Variants in CLVS1 observed in about 807,000 individuals in gnomAD.
The protein encoded by CLVS1 is clavesin-1.
In CLVS1, 10 loss-of-function variants were observed where a neutral mutation model predicts 33.1. That is an observed-to-expected ratio of 0.30 (90% CI 0.19 to 0.51). The LOEUF (loss-of-function observed/expected upper bound fraction) is 0.51. Ranked by LOEUF, CLVS1 falls within the 20% of genes least tolerant of loss-of-function variation. The pLI, the probability that CLVS1 is intolerant of heterozygous loss-of-function variation, is 0.97. For missense variants in CLVS1, 343 were observed against 433.4 expected (o/e 0.79, Z 1.85); for synonymous variants, 163 against 166.1 (o/e 0.98, Z 0.14).
intron 2 of CLVS1, among the ~76,000 whole-genome samples, chr8:61,141,578 G>A (rs1806309279): frequency 6.6e-6 from 1 of 152,144 alleles, no homozygotes; most frequent in African/African-American, 2.4e-5. Flanking sequence ...TCCTGGAGAT[G>A]AATACATAAA....
At chr8:61,075,739 C>A (rs1408954087) in intron 1 of CLVS1, among the ~76,000 whole-genome samples, 2 of 152,206 alleles carry the variant, frequency 1.3e-5, no homozygotes, top group Non-Finnish European at 2.9e-5. Context: ...ACCCTGATTG[C>A]CCATGCAGTG....
intron 3 of CLVS1, among the ~76,000 whole-genome samples, chr8:61,447,467 C>T (rs1437372850): frequency 6.6e-6 from 1 of 151,084 alleles, no homozygotes; most frequent in Admixed American, 6.6e-5. Flanking sequence ...TTTTGTCTTT[C>T]CTGCCTTCTT....
At chr8:61,420,556 C>T (rs1162931530) in intron 3 of CLVS1, among the ~76,000 whole-genome samples, 1 of 151,874 alleles carries the variant, frequency 6.6e-6, no homozygotes, top group African/African-American at 2.4e-5. Context: ...GAGCCGAGAT[C>T]GCACCACTGC....
chr8:61,057,632 A>G (rs77533377), intron 1 of CLVS1, among the ~76,000 whole-genome samples: 1 of 145,464 alleles, frequency 6.9e-6, no homozygotes, highest in Non-Finnish European at 1.5e-5. Context: ...CAGTCAGAAG[A>G]AAAAAAAAAA....
intron 2 of CLVS1, among the ~76,000 whole-genome samples, chr8:61,221,021 G>T (rs878997884): frequency 6.6e-6 from 1 of 152,128 alleles, no homozygotes; most frequent in Non-Finnish European, 1.5e-5. Context: ...TTGAGATTTT[G>T]CACATTTATT....
the CLVS1 span, among the ~76,000 whole-genome samples, chr8:61,038,761 C>T: frequency 1.3e-4 from 20 of 152,286 alleles, 1 homozygote; most frequent in South Asian, 2.7e-3. Context: ...GCCATTTCCT[C>T]GGACCCACTT....
chr8:60,980,934 G>A, the CLVS1 span, among the ~76,000 whole-genome samples: 1 of 152,188 alleles, frequency 6.6e-6, no homozygotes, highest in African/African-American at 2.4e-5. Context: ...AGGACACACA[G>A]AAGAGGAGGA....
intron 2 of CLVS1, among the ~76,000 whole-genome samples, chr8:61,232,023 GTTTTT>G (rs1158042227): frequency 6.4e-5 from 4 of 62,630 alleles, no homozygotes; most frequent in South Asian, 4.9e-4. Context: ...GAAAGTTGTG[GTTTTT>G]TTTTTTTTTT....
intron 2 of CLVS1, among the ~76,000 whole-genome samples, chr8:61,320,885 T>G (rs532005147): frequency 7.3e-4 from 111 of 152,332 alleles, no homozygotes; most frequent in South Asian, 2.1e-3. Context: ...ATAAGAAGTA[T>G]GATACTGTTT....
intron 2 of CLVS1, among the ~76,000 whole-genome samples, chr8:61,181,636 A>G (rs556029904): frequency 3.3e-5 from 5 of 151,656 alleles, no homozygotes; most frequent in Non-Finnish European, 5.9e-5. Flanking sequence ...AAACAGACAT[A>G]TAGAGCAATG....
At chr8:61,303,658 C>A (rs1810513807) in intron 2 of CLVS1, among the ~76,000 whole-genome samples, 1 of 152,158 alleles carries the variant, frequency 6.6e-6, no homozygotes, top group African/African-American at 2.4e-5. Context: ...TGCAAACAAG[C>A]CTCCGTTTGA....
intron 3 of CLVS1, among the ~76,000 whole-genome samples, chr8:61,408,671 C>T (rs1335672879): frequency 3.9e-5 from 6 of 152,096 alleles, no homozygotes; most frequent in African/African-American, 1.4e-4. Context: ...TAAGCTCTAG[C>T]CTGTAAGAGC....
chr8:61,388,314 A>C (rs1252609131), intron 3 of CLVS1, among the ~76,000 whole-genome samples: 1 of 150,138 alleles, frequency 6.7e-6, no homozygotes, highest in Non-Finnish European at 1.5e-5. Flanking sequence ...TATCTGAATC[A>C]ATCATTTTTT....
At chr8:61,281,748 A>G (rs1369856468) in intron 2 of CLVS1, among the ~76,000 whole-genome samples, 1 of 152,050 alleles carries the variant, frequency 6.6e-6, no homozygotes, top group African/African-American at 2.4e-5. Flanking sequence ...CCCTCTTGCT[A>G]TACTCTGCAT....
At chr8:61,011,461 T>A in the CLVS1 span, among the ~76,000 whole-genome samples, 1 of 152,166 alleles carries the variant, frequency 6.6e-6, no homozygotes, top group African/African-American at 2.4e-5. Context: ...TATTTATTTA[T>A]TTTTTGAGGT....
chr8:61,321,134 G>A (rs1189368115), intron 2 of CLVS1, among the ~76,000 whole-genome samples: 1 of 152,114 alleles, frequency 6.6e-6, no homozygotes, highest in African/African-American at 2.4e-5. Context: ...AATGTTTGAT[G>A]TGTTTTTCAT....
In CLVS1 at chr8:61,088,531, C is replaced by T. The variant is rs183226207; in HGVS notation, c.-243+31301C>T. Among the ~76,000 whole-genome samples, 31 of 149,754 alleles carry T rather than the reference C, an allele frequency of 2.1e-4. No individual in the cohort carries two copies. The East Asian group carries it at 5.9e-3, about 28-fold the overall frequency. ...AGGAGCAATGTAATTATCAATTTTCCGTTAATAGATACTTGGATTACTGGC... is the reference window on the plus strand; with the variant it reads ...AGGAGCAATGTAATTATCAATTTTCTGTTAATAGATACTTGGATTACTGGC... On this transcript the variant is annotated intron_variant, in intron 1 of 2. Transcript: ENST00000522621.
chr8:61,289,675 G>C (rs1004563790), intron 1 of CLVS1, among the ~76,000 whole-genome samples: 1 of 152,146 alleles, frequency 6.6e-6, no homozygotes, highest in African/African-American at 2.4e-5. Context: ...TATTTATTCT[G>C]CCTCTTAAAG....
intron 1 of CLVS1, among the ~76,000 whole-genome samples, chr8:61,116,662 T>A (rs2129289091): frequency 6.6e-6 from 1 of 151,096 alleles, no homozygotes; most frequent in Non-Finnish European, 1.5e-5. Flanking sequence ...CTCAGGTTTG[T>A]CAAAGATCAG....
Sources: allele counts gnomAD v4.1 joint callset (sites outside exome capture counted in the v4.1 genomes callset), GRCh38; gene constraint gnomAD v4.1.1; transcripts MANE v1.5; gene names NCBI Gene and HGNC (gene_info 2026-07-23, HGNC 2026-07-21).